ZNF841: variants seen among roughly 807,000 people sequenced by gnomAD.
ZNF841 encodes the protein TCONS_00006091.
A neutral mutation model predicts 13.0 loss-of-function variants in ZNF841; 11 were observed. That is an observed-to-expected ratio of 0.85 (90% CI 0.53 to 1.40). The LOEUF (loss-of-function observed/expected upper bound fraction) is 1.40, where lower values mean the gene tolerates loss of function less well. ZNF841 is among the 40% of genes most tolerant of loss of function. The probability of loss-of-function intolerance (pLI) is 0.00; values close to 1 mark genes in which losing one functional copy is unlikely to be tolerated. For missense variants in ZNF841, 1,068 were observed against 1,139.5 expected (o/e 0.94, Z 0.90); for synonymous variants, 369 against 381.6 (o/e 0.97, Z 0.38).
chr19:52,095,338 GC>G (rs2088632992), intron 1 of ZNF841, among the ~76,000 whole-genome samples: 1 of 152,166 alleles, frequency 6.6e-6, no homozygotes, highest in Non-Finnish European at 1.5e-5. Flanking sequence ...TCCTTCAGGA[GC>G]CGGACAGTGG....
intron 4 of ZNF841, among the ~76,000 whole-genome samples, chr19:52,077,519 C>T (rs774236339): frequency 3.9e-5 from 6 of 152,170 alleles, no homozygotes; most frequent in Admixed American, 3.9e-4. Flanking sequence ...CCCCATGTAC[C>T]GGGCATTACT....
chr19:52,089,337 A>G (rs2088393960), intron 2 of ZNF841, among the ~76,000 whole-genome samples: 1 of 152,184 alleles, frequency 6.6e-6, no homozygotes, highest in Non-Finnish European at 1.5e-5. Context: ...GGGGTCCCAA[A>G]TGCTATGAAG....
chr19:52,089,489 C>CA (rs919771889), intron 2 of ZNF841, among the ~76,000 whole-genome samples: 62 of 149,862 alleles, frequency 4.1e-4, no homozygotes, highest in African/African-American at 1.2e-3. Flanking sequence ...CTAAAAAATA[C>CA]AAAAAAAAAC....
chr19:52,067,120 T>G lies in ZNF841; in HGVS notation c.762A>C (p.Thr254=). Residue 254 remains threonine, a synonymous_variant, in exon 7 of 7, where the codon ACA becomes ACC. Transcript: ENST00000594440. Reference sequence around the variant, plus strand: ...CTATGTAAGGTTTTTCCCTAATATGTGTTTTCTCGTCTTGTGTAGGTAACG... The same window carrying G: ...CTATGTAAGGTTTTTCCCTAATATGGGTTTTCTCGTCTTGTGTAGGTAACG... ...QLSLPTQDEK[T]HIREKPYIGN... is the part of the protein sequence containing the mutation. 1 of 1,571,604 alleles carries G rather than the reference T, an allele frequency of 6.4e-7. No homozygotes were observed.
At chr19:52,062,836 T>C (rs78988733), downstream of ZNF841, among the ~76,000 whole-genome samples, 922 of 152,066 alleles carry the variant, frequency 6.1e-3, 9 homozygotes, top group Non-Finnish European at 0.011. Flanking sequence ...TAGTTATCCA[T>C]AGTATGATTT....
intron 6 of ZNF841, among the ~76,000 whole-genome samples, chr19:52,074,022 G>A (rs191236780): frequency 2.4e-4 from 37 of 152,154 alleles, no homozygotes; most frequent in Admixed American, 5.2e-4. Flanking sequence ...CAATTTAACC[G>A]ACAAATATAT....
At position 52,077,148 on chromosome 19, in the gene ZNF841, A is replaced by T. The variant is rs183415827; in HGVS notation, c.16-64T>A. Reference sequence around the variant, plus strand: ...AGCTCTTATCTTTACATAAAATGAGAAGAGGAGAGAACTGTCACATCAATT... The same window carrying T: ...AGCTCTTATCTTTACATAAAATGAGTAGAGGAGAGAACTGTCACATCAATT... On this transcript the variant is annotated intron_variant, in intron 4 of 6. Coordinates refer to ENST00000594440, the MANE Select transcript of ZNF841 (RefSeq NM_001136499.2). 2.7e-3 allele frequency: 4,076 copies of T among 1,505,078 alleles called. 12 individuals carry two copies. Among genetic ancestry groups the T allele is most frequent in the Non-Finnish European group, 2.9e-3 (3,224 of 1,120,364 alleles). 93.2% of individuals were successfully genotyped at this position (1,505,078 alleles called of 1,614,324 possible). A position where few individuals can be genotyped will look rare whatever the true frequency, so the allele number is the denominator to read the frequency against.
Position 52,076,048 on chromosome 19 carries a change from G to T in ZNF841, c.267C>A (p.Ile89=). 1 of 1,552,322 alleles carries T rather than the reference G, an allele frequency of 6.4e-7. No homozygotes were observed. Among genetic ancestry groups the T allele is most frequent in the South Asian group, 1.2e-5 (1 of 84,082 alleles). ...PNCGECMKGV[I]TGISPKCVIK... is the part of the protein sequence containing the mutation. ...TGTGCCCATCTGAGCTCTTACCGGTGATCACGCCTTTCATGCATTCCCCAC... is the reference window on the plus strand; with the variant it reads ...TGTGCCCATCTGAGCTCTTACCGGTTATCACGCCTTTCATGCATTCCCCAC... The change falls in exon 6 of 7, where the codon ATC becomes ATA. Residue 89 remains isoleucine (I), a synonymous_variant. Coordinates refer to ENST00000594440, the MANE Select transcript of ZNF841 (RefSeq NM_001136499.2).
At chr19:52,088,321 G>T (rs2088358512) in intron 3 of ZNF841, among the ~76,000 whole-genome samples, 1 of 152,008 alleles carries the variant, frequency 6.6e-6, no homozygotes, top group African/African-American at 2.4e-5. Flanking sequence ...ATTTATAAAA[G>T]AATTTACTTC....
In ZNF841 at chr19:52,066,726, A is replaced by T; in HGVS notation, c.1156T>A (p.Ser386Thr). The part of the protein sequence containing the change: ...NRCGKCFSQS[S>T]SLATHQTVHT... ...ACTGTCTGATGAGTTGCAAGAGAGG[A>T]ACTTTGACTAAAGCACTTCCCACAT... is the stretch of plus-strand genomic sequence containing the variant. The change falls in exon 7 of 7, where the codon TCC becomes ACC. Residue 386 changes from serine to threonine, a missense_variant. Physicochemically the swap from Ser to Thr is moderately conservative, Grantham distance 58. Transcript: ENST00000594440. 6.2e-7 allele frequency: 1 copy of T among 1,611,218 alleles called. No homozygotes were observed. The highest frequency in any genetic ancestry group is 8.5e-7 in the Non-Finnish European group (1 of 1,178,366).
chr19:52,067,587 T>C lies in ZNF841; in HGVS notation c.295A>G (p.Lys99Glu). The C allele has an allele frequency of 6.5e-7, 1 of 1,545,392 alleles. No homozygotes were observed. Among genetic ancestry groups the C allele is most frequent in the Non-Finnish European group, 8.7e-7 (1 of 1,151,182 alleles). The change falls in exon 7 of 7, where the codon AAG (lysine) becomes GAG (glutamate). Residue 99 changes from lysine (K) to glutamate (E), a missense_variant. Lys to Glu is a moderately conservative substitution (Grantham distance 56, BLOSUM62 1). Coordinates refer to ENST00000594440, the MANE Select transcript of ZNF841 (RefSeq NM_001136499.2). ...ITGISPKCVIKELPPIQNSNT... is the reference protein window; with the variant it reads ...ITGISPKCVIEELPPIQNSNT... The stretch of plus-strand genomic sequence containing the variant: ...CTGTTCTGTATTGGTGGTAATTCCT[T>C]GATCACACATTTAGGAGAGATACCT...
Position 52,076,167 on chromosome 19 carries a change from A to ACC in ZNF841, c.147_148insGG (p.Cys50GlyfsTer6), listed in dbSNP as rs1171645348. The ACC allele has an allele frequency of 6.4e-7, 1 of 1,553,194 alleles. No homozygotes were observed. The highest frequency in any genetic ancestry group is 8.7e-7 in the Non-Finnish European group (1 of 1,147,844). On this transcript the variant is annotated frameshift_variant, in exon 6 of 7. Coordinates refer to ENST00000594440, the MANE Select transcript of ZNF841 (RefSeq NM_001136499.2). LOFTEE classifies it high-confidence loss of function. ...GAGATAATATTCAGGTCAGGAAGACAGAGTCCTGCTTATAAAAAAAGAAAG... is the reference window on the plus strand; with the variant it reads ...GAGATAATATTCAGGTCAGGAAGACACCGAGTCCTGCTTATAAAAAAAGAAAG...
In ZNF841 at chr19:52,065,760, G is replaced by A. The variant is rs1019405457; in HGVS notation, c.2122C>T (p.Pro708Ser). ...RYHRNPTGEKPHKCSECGRTF... is the reference protein window; with the variant it reads ...RYHRNPTGEKSHKCSECGRTF... ...CTACCACATTCACTACATTTGTGTG[G>A]TTTCTCCCCAGTAGGATTTCTGTGA... Residue 708 changes from proline (P) to serine (S), a missense_variant, in exon 7 of 7, where the codon CCA (proline) becomes TCA (serine). Coordinates refer to ENST00000594440, the MANE Select transcript of ZNF841 (RefSeq NM_001136499.2). 39 of 1,608,630 alleles carry A rather than the reference G, an allele frequency of 2.4e-5. No homozygotes were observed. Among genetic ancestry groups the A allele is most frequent in the Non-Finnish European group, 3.3e-5 (39 of 1,177,100 alleles).
At chr19:52,063,140 G>T (rs1479901381), downstream of ZNF841, among the ~76,000 whole-genome samples, 4 of 152,146 alleles carry the variant, frequency 2.6e-5, no homozygotes, top group Non-Finnish European at 4.4e-5. Context: ...CTCCCAAAGT[G>T]CTGGGATTAC....
intron 2 of ZNF841, among the ~76,000 whole-genome samples, chr19:52,092,349 T>C (rs1313729382): frequency 6.6e-6 from 1 of 152,148 alleles, no homozygotes; most frequent in Non-Finnish European, 1.5e-5. Context: ...CCTGAACATT[T>C]TCCAAATAAG....
the ZNF841 span, among the ~76,000 whole-genome samples, chr19:52,059,390 T>TATATATATATATATATATAC: frequency 2.2e-4 from 21 of 96,342 alleles, no homozygotes; most frequent in East Asian, 3.0e-3. Context: ...TATATATATA[T>TATATATATATATATATATAC]ACACACACAC....
rs61738706 is a variant in ZNF841, at chr19:52,066,226, G to A, written c.1656C>T (p.Tyr552=). ...KCNVCGKVFN[Y]GGYLSVHMRC... is the part of the protein sequence containing the mutation. ...TCATATGAACCGAAAGGTATCCACC[G>A]TAATTAAAGACCTTGCCACACACAT... is the stretch of plus-strand genomic sequence containing the variant. The change falls in exon 7 of 7, where the codon TAC becomes TAT. Residue 552 remains tyrosine (Y), a synonymous_variant. Coordinates refer to ENST00000594440, the MANE Select transcript of ZNF841 (RefSeq NM_001136499.2). 3.1e-3 allele frequency: 5,044 copies of A among 1,613,492 alleles called. 139 individuals are homozygous for A. The African/African-American group carries it at 0.056, about 18-fold the overall frequency.
At chr19:52,068,920 C>A (rs768213404) in intron 6 of ZNF841, among the ~76,000 whole-genome samples, 1 of 152,054 alleles carries the variant, frequency 6.6e-6, no homozygotes, top group Non-Finnish European at 1.5e-5. Flanking sequence ...TGCAGTCAGC[C>A]AAGATCACGA....
At position 52,066,978 on chromosome 19, in the gene ZNF841, A is replaced by G. The variant is rs748839390; in HGVS notation, c.904T>C (p.Ser302Pro). Residue 302 changes from serine (S) to proline (P), a missense_variant, in exon 7 of 7, where the codon TCA (serine) becomes CCA (proline). Physicochemically the swap from Ser to Pro is moderately conservative, Grantham distance 74. Coordinates refer to ENST00000594440, the MANE Select transcript of ZNF841 (RefSeq NM_001136499.2). ...ACTATCTGATGTACTGTTAGTAGTG[A>G]GCCCCGATGAAAGGCTTTACCAGAC... ...NESGKAFHRG[S>P]LLTVHQIVHT... 4.3e-6 allele frequency: 7 copies of G among 1,614,046 alleles called. No individual in the cohort carries two copies. Among genetic ancestry groups the G allele is most frequent in the South Asian group, 1.1e-5 (1 of 91,076 alleles).
Sources: allele counts gnomAD v4.1 joint callset (sites outside exome capture counted in the v4.1 genomes callset), GRCh38; gene constraint gnomAD v4.1.1; transcripts MANE v1.5; gene names NCBI Gene and HGNC (gene_info 2026-07-23, HGNC 2026-07-21).